The following COL24A1 variants were observed in gnomAD, a reference collection of about 807,000 sequenced individuals.
COL24A1 encodes collagen type XXIV alpha 1 chain.
Under a neutral mutation model 253.9 loss-of-function variants are expected in COL24A1, and 224 were observed. That is an observed-to-expected ratio of 0.88 (90% CI 0.79 to 0.99). The LOEUF is 0.99. COL24A1 is among the 50% of genes least tolerant of loss of function. The pLI is 0.00. For synonymous variants in COL24A1, 685 were observed against 673.7 expected (o/e 1.02, Z -0.26); for missense variants, 2,131 against 2,068.5 (o/e 1.03, Z -0.59).
intron 5 of COL24A1, among the ~76,000 whole-genome samples, chr1:86,111,694 A>C (rs12062793): frequency 0.17 from 26,376 of 152,082 alleles, 2,385 homozygotes; most frequent in South Asian, 0.25. Context: ...TGCTGCTGCT[A>C]ACTCTTTGGG....
chr1:85,858,628 C>CTTCCTTCCTTCTTTCT (rs796696905), intron 37 of COL24A1, among the ~76,000 whole-genome samples: 5 of 116,652 alleles, frequency 4.3e-5, no homozygotes, highest in Admixed American at 1.6e-4. Flanking sequence ...TCCCTCCTTC[C>CTTCCTTCCTTCTTTCT]TTCCTTCCTT....
chr1:85,871,910 C>T (rs566174576), intron 35 of COL24A1, among the ~76,000 whole-genome samples: 2 of 152,274 alleles, frequency 1.3e-5, no homozygotes, highest in South Asian at 4.1e-4. Context: ...GTCAAATTGT[C>T]CCTGTTTGCA....
intron 24 of COL24A1, among the ~76,000 whole-genome samples, chr1:85,959,615 C>A (rs1276310009): frequency 1.3e-5 from 2 of 152,012 alleles, no homozygotes; most frequent in African/African-American, 4.8e-5. Flanking sequence ...AAATGGAATA[C>A]CGTAATATGA....
chr1:85,893,999 C>T (rs1683396902), intron 31 of COL24A1, among the ~76,000 whole-genome samples: 1 of 152,098 alleles, frequency 6.6e-6, no homozygotes, highest in Non-Finnish European at 1.5e-5. Flanking sequence ...GACCAAAGGA[C>T]AATCTGACCT....
chr1:85,832,903 C>G (rs1399022414), intron 43 of COL24A1, among the ~76,000 whole-genome samples: 3 of 149,598 alleles, frequency 2.0e-5, no homozygotes, highest in Non-Finnish European at 4.4e-5. Flanking sequence ...CTTTTCCTAA[C>G]TGAATACCCT....
intron 37 of COL24A1, among the ~76,000 whole-genome samples, chr1:85,851,696 C>A (rs182876048): frequency 3.9e-5 from 6 of 152,290 alleles, no homozygotes; most frequent in Admixed American, 3.9e-4. Flanking sequence ...TATAGCTACT[C>A]ATAAAGTTAT....
chr1:86,047,013 C>T (rs1315952735), intron 11 of COL24A1, 144 bp from the exon 12 acceptor site: 2 of 639,702 alleles, frequency 3.1e-6, no homozygotes, highest in South Asian at 1.9e-5. Flanking sequence ...TCAGAAAAGC[C>T]TCAATATATT....
chr1:85,764,603 G>A (rs968487332), intron 53 of COL24A1, among the ~76,000 whole-genome samples: 2 of 151,772 alleles, frequency 1.3e-5, no homozygotes, highest in African/African-American at 4.8e-5. Flanking sequence ...CTGGGCTCTG[G>A]TTTTGTCTTT....
intron 2 of COL24A1, among the ~76,000 whole-genome samples, chr1:86,130,878 G>C (rs1340051120): frequency 6.6e-6 from 1 of 151,802 alleles, no homozygotes; most frequent in Non-Finnish European, 1.5e-5. Flanking sequence ...GACAAATAGA[G>C]CCAGACTTTT....
intron 28 of COL24A1, among the ~76,000 whole-genome samples, chr1:85,901,526 G>C (rs1261399784): frequency 1.3e-5 from 2 of 151,890 alleles, no homozygotes; most frequent in African/African-American, 4.8e-5. Flanking sequence ...ACTAAAAATG[G>C]AGCCTGGGTG....
Position 85,823,692 on chromosome 1 carries a change from C to A in COL24A1, c.3728G>T (p.Gly1243Val), listed in dbSNP as rs543283926. Residue 1243 changes from glycine (G) to valine (V), a missense_variant, in exon 44 of 60, where the codon GGA (glycine) becomes GTA (valine). Physicochemically the swap from Gly to Val is moderately radical, Grantham distance 109 (BLOSUM62 -3). Transcript: ENST00000370571. ...PGLRGATGQQ[G>V]PPGEPGDQGE... ...AATGCTTTCAAAACATACTGGGGGT[C>A]CTTGTTGTCCAGTGGCACCTCTTAG... 5.0e-6 allele frequency: 8 copies of A among 1,613,772 alleles called. No homozygotes were observed. The highest frequency in any genetic ancestry group is 1.7e-4 in the Middle Eastern group (1 of 6,052).
intron 20 of COL24A1, among the ~76,000 whole-genome samples, chr1:85,972,291 T>C (rs1039558878): frequency 2.7e-5 from 4 of 150,336 alleles, no homozygotes; most frequent in African/African-American, 9.8e-5. Flanking sequence ...GTCACTTTTA[T>C]CTTGTTCTGA....
At chr1:85,831,075 G>A (rs1675213779) in intron 43 of COL24A1, among the ~76,000 whole-genome samples, 2 of 152,096 alleles carry the variant, frequency 1.3e-5, no homozygotes, top group Non-Finnish European at 1.5e-5. Context: ...AGTGAAGAGT[G>A]GCAAGAGAGA....
At chr1:85,887,415 T>C (rs1174222209) in intron 32 of COL24A1, among the ~76,000 whole-genome samples, 1 of 152,174 alleles carries the variant, frequency 6.6e-6, no homozygotes, top group South Asian at 2.1e-4. Context: ...AAGGTTTGCA[T>C]TGATTAGACA....
At chr1:85,841,992 T>A in intron 41 of COL24A1, 76 bp downstream of exon 41, 1 of 1,293,892 alleles carries the variant, frequency 7.7e-7, no homozygotes, top group Non-Finnish European at 1.1e-6. Flanking sequence ...TGAAAATTTT[T>A]CCATGCAGTC....
intron 24 of COL24A1, among the ~76,000 whole-genome samples, chr1:85,947,723 T>G (rs1689467816): frequency 6.6e-6 from 1 of 152,214 alleles, no homozygotes; most frequent in Non-Finnish European, 1.5e-5. Flanking sequence ...TACTACTTCC[T>G]AAAATATAAC....
rs542593823 is a variant in COL24A1, at chr1:85,843,457, A to G, written c.3463-1064T>C. ...TTAGCTCAAGATGGCTGAATGACATATGCTTGCTTCAATAGTCTCATCCAA... is the reference window on the plus strand; with the variant it reads ...TTAGCTCAAGATGGCTGAATGACATGTGCTTGCTTCAATAGTCTCATCCAA... On this transcript the variant is annotated intron_variant, in intron 39 of 59. Transcript: ENST00000370571. Among the ~76,000 whole-genome samples the G allele has an allele frequency of 1.8e-3, 268 of 152,326 alleles. 1 individual carries two copies. Among genetic ancestry groups the G allele is most frequent in the African/African-American group, 6.2e-3 (259 of 41,574 alleles).
intron 10 of COL24A1, among the ~76,000 whole-genome samples, chr1:86,055,714 T>C (rs1700616055): frequency 6.6e-6 from 1 of 152,202 alleles, no homozygotes; most frequent in Admixed American, 6.5e-5. Flanking sequence ...TCTTGTTTAA[T>C]TTTTCACAAC....
chr1:86,072,465 C>A (rs1647573683), intron 7 of COL24A1, among the ~76,000 whole-genome samples: 1 of 152,188 alleles, frequency 6.6e-6, no homozygotes, highest in South Asian at 2.1e-4. Context: ...CGCAGGGCAT[C>A]TCTGAAAGAA....
Sources: allele counts gnomAD v4.1 joint callset (sites outside exome capture counted in the v4.1 genomes callset), GRCh38; gene constraint gnomAD v4.1.1; transcripts MANE v1.5; gene names NCBI Gene and HGNC (gene_info 2026-07-23, HGNC 2026-07-21).